FHOD3: variants seen among roughly 807,000 people sequenced by gnomAD.
FHOD3 encodes the protein formin homology 2 domain containing 3.
In FHOD3, 90 loss-of-function variants were observed where a neutral mutation model predicts 173.0. That is an observed-to-expected ratio of 0.52 (90% CI 0.44 to 0.62). The LOEUF (loss-of-function observed/expected upper bound fraction) is 0.62. Ranked by LOEUF, FHOD3 falls within the 20% of genes least tolerant of loss-of-function variation. The probability of loss-of-function intolerance (pLI) is 0.00; values close to 1 mark genes in which losing one functional copy is unlikely to be tolerated. For missense variants in FHOD3, 1,945 were observed against 2,034.7 expected (o/e 0.96, Z 0.85); for synonymous variants, 828 against 823.0 (o/e 1.01, Z -0.10).
At chr18:36,426,226 C>T (rs1424148562) in intron 3 of FHOD3, among the ~76,000 whole-genome samples, 2 of 152,130 alleles carry the variant, frequency 1.3e-5, no homozygotes, top group South Asian at 4.1e-4. Flanking sequence ...TTCATTTCAT[C>T]CTCACAGCAG....
intron 3 of FHOD3, among the ~76,000 whole-genome samples, chr18:36,401,815 G>T (rs756907947): frequency 1.3e-5 from 2 of 152,142 alleles, no homozygotes; most frequent in Admixed American, 1.3e-4. Flanking sequence ...CAGAGTGGCC[G>T]TCATTACTGG....
chr18:36,700,032 G>T (rs1232867536), intron 17 of FHOD3, among the ~76,000 whole-genome samples: 2 of 152,070 alleles, frequency 1.3e-5, no homozygotes, highest in Non-Finnish European at 2.9e-5. Flanking sequence ...CTCAACATTT[G>T]TCTTAGTCTT....
chr18:36,437,688 A>G (rs2050891502), intron 3 of FHOD3, among the ~76,000 whole-genome samples: 1 of 42,318 alleles, frequency 2.4e-5, no homozygotes, highest in Admixed American at 2.3e-4. Flanking sequence ...TTTTTAAGAC[A>G]GAGTCTTGCT....
intron 17 of FHOD3, among the ~76,000 whole-genome samples, chr18:36,705,560 A>T (rs2039829456): frequency 6.6e-6 from 1 of 152,182 alleles, no homozygotes; most frequent in African/African-American, 2.4e-5. Flanking sequence ...CACTGGTGGC[A>T]GAGCTCACTC....
intron 5 of FHOD3, among the ~76,000 whole-genome samples, chr18:36,519,143 G>A (rs745689051): frequency 3.3e-5 from 5 of 152,222 alleles, no homozygotes; most frequent in Non-Finnish European, 5.9e-5. Context: ...GGGCCAGAGA[G>A]TAGCTGAGAC....
chr18:36,691,041 C>T (rs538678143), intron 16 of FHOD3, among the ~76,000 whole-genome samples: 1 of 152,294 alleles, frequency 6.6e-6, no homozygotes, highest in East Asian at 1.9e-4. Context: ...CCAAAGGGTA[C>T]ACAGGAATAG....
intron 23 of FHOD3, among the ~76,000 whole-genome samples, chr18:36,745,724 T>G (rs2042120867): frequency 1.4e-5 from 2 of 146,682 alleles, no homozygotes; most frequent in Admixed American, 6.7e-5. Context: ...CCCGACCCCG[T>G]ACCCTCTGTG....
rs1310842234 is a variant in FHOD3 at position 36,652,668 on chromosome 18, A to G, written c.1385A>G (p.Lys462Arg). The change falls in exon 12 of 29, where the codon AAG (lysine) becomes AGG (arginine). Residue 462 changes from lysine to arginine, a missense_variant. Transcript: ENST00000590592. ...PAVSNASSQG[K>R]PLLVGTAGGT... is the part of the protein sequence containing the mutation. ...GTCTCGAATGCCAGCTCGCAGGGAA[A>G]GCCGCTTCTGGTTGGCACTGCAGGC... 6.5e-7 allele frequency: 1 copy of G among 1,535,676 alleles called. No individual in the cohort carries two copies. Among genetic ancestry groups the G allele is most frequent in the Non-Finnish European group, 8.7e-7 (1 of 1,146,676 alleles).
intron 14 of FHOD3, among the ~76,000 whole-genome samples, chr18:36,675,072 G>A (rs1600191519): frequency 1.3e-5 from 2 of 152,152 alleles, no homozygotes; most frequent in South Asian, 2.1e-4. Flanking sequence ...TGGGAGGCTA[G>A]GGAAGAACTG....
intron 1 of FHOD3, among the ~76,000 whole-genome samples, chr18:36,351,328 C>A (rs77708489): frequency 1.1e-4 from 16 of 152,194 alleles, no homozygotes; most frequent in South Asian, 4.2e-4. Flanking sequence ...TGACATCTGG[C>A]GTAGGAGGTA....
At chr18:36,388,846 A>G (rs762409996) in intron 3 of FHOD3, among the ~76,000 whole-genome samples, 72 of 152,154 alleles carry the variant, frequency 4.7e-4, no homozygotes, top group Non-Finnish European at 5.6e-4. Context: ...CATTTTGCCT[A>G]TAAATGTGGT....
At chr18:36,726,209 A>G (rs1253143156) in intron 19 of FHOD3, among the ~76,000 whole-genome samples, 2 of 151,698 alleles carry the variant, frequency 1.3e-5, no homozygotes, top group Non-Finnish European at 2.9e-5. Context: ...TAACTACAGC[A>G]CACTTATGAT....
At chr18:36,717,003 T>C (rs556643080) in intron 18 of FHOD3, among the ~76,000 whole-genome samples, 28 of 150,476 alleles carry the variant, frequency 1.9e-4, no homozygotes, top group African/African-American at 6.6e-4. Context: ...CCATGGGAAA[T>C]ACAGGACAGA....
At chr18:36,390,757 A>T (rs2048263953) in intron 3 of FHOD3, among the ~76,000 whole-genome samples, 1 of 152,168 alleles carries the variant, frequency 6.6e-6, no homozygotes, top group Non-Finnish European at 1.5e-5. Context: ...CCCACACTTA[A>T]CACATGATGA....
chr18:36,398,685 G>A (rs1391895207), intron 3 of FHOD3, among the ~76,000 whole-genome samples: 2 of 152,204 alleles, frequency 1.3e-5, no homozygotes, highest in African/African-American at 4.8e-5. Context: ...AGCTTTAAGC[G>A]AGTGGTCAGT....
At chr18:36,438,302 C>T (rs1449104449) in intron 3 of FHOD3, among the ~76,000 whole-genome samples, 1 of 152,186 alleles carries the variant, frequency 6.6e-6, no homozygotes, top group East Asian at 1.9e-4. Context: ...AGTGTGCTTG[C>T]AGGTTACCTG....
intron 10 of FHOD3, among the ~76,000 whole-genome samples, chr18:36,646,329 G>A (rs1347345187): frequency 6.6e-6 from 1 of 151,988 alleles, no homozygotes; most frequent in African/African-American, 2.4e-5. Context: ...AGATATCTAA[G>A]ACCTCTGTGA....
intron 6 of FHOD3, among the ~76,000 whole-genome samples, chr18:36,578,697 T>C (rs1265851742): frequency 6.6e-6 from 1 of 151,716 alleles, no homozygotes; most frequent in African/African-American, 2.4e-5. Flanking sequence ...TGGGGAGGAG[T>C]ATGGTTCTAG....
chr18:36,572,906 A>G (rs1482599371), intron 5 of FHOD3, among the ~76,000 whole-genome samples: 1 of 152,196 alleles, frequency 6.6e-6, no homozygotes, highest in Non-Finnish European at 1.5e-5. Context: ...TCAGAATGGG[A>G]AAAGGACAGT....
Sources: allele counts gnomAD v4.1 joint callset (sites outside exome capture counted in the v4.1 genomes callset), GRCh38; gene constraint gnomAD v4.1.1; transcripts MANE v1.5; gene names NCBI Gene and HGNC (gene_info 2026-07-23, HGNC 2026-07-21).